The following CNTN1 variants were observed in gnomAD, a reference collection of about 807,000 sequenced individuals.
CNTN1 encodes contactin-1.
CNTN1 carries 38 observed loss-of-function variants against 126.4 expected under a neutral mutation model. That is an observed-to-expected ratio of 0.30 (90% confidence interval 0.23 to 0.39). CNTN1 has a LOEUF of 0.39. Ranked by LOEUF, CNTN1 falls within the 10% of genes least tolerant of loss-of-function variation. CNTN1 has a pLI of 1.00. For synonymous variants in CNTN1, 413 were observed against 422.6 expected (o/e 0.98, Z 0.28); for missense variants, 1,009 against 1,248.4 (o/e 0.81, Z 2.89).
chr12:41,029,336 T>C (rs1949095572), intron 23 of CNTN1, 117 bp downstream of exon 23: 5 of 1,165,474 alleles, frequency 4.3e-6, no homozygotes, highest in Admixed American at 1.7e-5. Flanking sequence ...CCTAAGTAGA[T>C]TGGACATATC....
chr12:40,834,464 CAG>C (rs1941972818), intron 1 of CNTN1, among the ~76,000 whole-genome samples: 1 of 152,098 alleles, frequency 6.6e-6, no homozygotes, highest in Non-Finnish European at 1.5e-5. Context: ...GATGGAAGGG[CAG>C]CAAGGTAGGT....
chr12:41,016,730 G>C lies in CNTN1; in HGVS notation c.2233G>C (p.Ala745Pro). Residue 745 changes from alanine (A) to proline (P), a missense_variant, in exon 19 of 24, where the codon GCA becomes CCA. By Grantham distance (27) the Ala-to-Pro change is conservative. Coordinates refer to ENST00000551295, the MANE Select transcript of CNTN1 (RefSeq NM_001843.4). ...HYGNNFGYIV[A>P]FKPFDGEEWK... ...TGGCAACAATTTTGGTTACATAGTGGCATTTAAGCCATTTGATGGAGAAGA... is the reference window on the plus strand; with the variant it reads ...TGGCAACAATTTTGGTTACATAGTGCCATTTAAGCCATTTGATGGAGAAGA... 2 of 1,614,108 alleles carry C rather than the reference G, an allele frequency of 1.2e-6. No homozygotes were observed. The highest frequency in any genetic ancestry group is 1.7e-6 in the Non-Finnish European group (2 of 1,180,008).
At chr12:41,030,405 T>G (rs909965665) in intron 23 of CNTN1, among the ~76,000 whole-genome samples, 2 of 152,062 alleles carry the variant, frequency 1.3e-5, no homozygotes, top group Non-Finnish European at 1.5e-5. Flanking sequence ...TTTTTTAGTT[T>G]AATCATCAGC....
intron 1 of CNTN1, among the ~76,000 whole-genome samples, chr12:40,751,732 A>C (rs1331558736): frequency 2.0e-5 from 3 of 152,102 alleles, no homozygotes; most frequent in Non-Finnish European, 2.9e-5. Flanking sequence ...CAGCATTACC[A>C]GTTATATGAG....
intron 1 of CNTN1, among the ~76,000 whole-genome samples, chr12:40,859,446 G>A (rs1249543617): frequency 1.3e-5 from 2 of 151,908 alleles, no homozygotes; most frequent in African/African-American, 2.4e-5. Flanking sequence ...GAACCTATCT[G>A]ATCTTTTTAT....
At chr12:40,799,775 C>G (rs1177444741) in intron 1 of CNTN1, among the ~76,000 whole-genome samples, 1 of 151,946 alleles carries the variant, frequency 6.6e-6, no homozygotes, top group Admixed American at 6.6e-5. Context: ...TATACAAGCA[C>G]TATGCTTGGT....
chr12:41,048,733 A>C (rs11179607), intron 23 of CNTN1, among the ~76,000 whole-genome samples: 21,471 of 152,156 alleles, frequency 0.14, 1,884 homozygotes, highest in Non-Finnish European at 0.19. Context: ...AAAATGAAGG[A>C]AGGAAAGAGG....
At chr12:40,828,059 G>A (rs1941677091) in intron 1 of CNTN1, 1 of 152,256 alleles carries the variant, frequency 6.6e-6, no homozygotes, top group East Asian at 1.9e-4. Context: ...AGCACGGAAT[G>A]CTTTATTTGA....
At chr12:40,716,991 G>C (rs1273633226) in intron 1 of CNTN1, among the ~76,000 whole-genome samples, 1 of 152,158 alleles carries the variant, frequency 6.6e-6, no homozygotes, top group African/African-American at 2.4e-5. Context: ...TGGGGAAAGA[G>C]AAAATAATGG....
intron 4 of CNTN1, among the ~76,000 whole-genome samples, chr12:40,921,284 AT>A (rs35146462): frequency 0.44 from 66,272 of 151,974 alleles, 15,001 homozygotes; most frequent in African/African-American, 0.57. Flanking sequence ...TGGCCAGGAA[AT>A]GAGCGATGTG....
intron 1 of CNTN1, among the ~76,000 whole-genome samples, chr12:40,898,610 G>C (rs13377827): frequency 0.2 from 29,863 of 152,032 alleles, 5,146 homozygotes; most frequent in African/African-American, 0.47. Flanking sequence ...TCACTTATCA[G>C]TTTAAGTACT....
intron 1 of CNTN1, among the ~76,000 whole-genome samples, chr12:40,833,389 C>G (rs1941931232): frequency 6.6e-6 from 1 of 152,144 alleles, no homozygotes; most frequent in Non-Finnish European, 1.5e-5. Flanking sequence ...AGGCACTGCA[C>G]CTGGCCAACA....
Position 41,070,256 on chromosome 12 carries a change from C to T in CNTN1, c.*221C>T. The T allele has an allele frequency of 1.7e-6, 1 of 580,504 alleles. No individual in the cohort carries two copies. The highest frequency in any genetic ancestry group is 3.1e-6 in the Non-Finnish European group (1 of 324,566). The allele number at this position is 580,504 out of a possible 1,614,324, so 36.0% of individuals were successfully genotyped here. On this transcript the variant is annotated 3_prime_UTR_variant, in exon 24 of 24. Coordinates refer to ENST00000551295, the MANE Select transcript of CNTN1 (RefSeq NM_001843.4). Reference sequence around the variant, plus strand: ...TTAAATGGATATAAATGATTTTTAACTCGTTCCAATATGCCTTATAAACCA... The same window carrying T: ...TTAAATGGATATAAATGATTTTTAATTCGTTCCAATATGCCTTATAAACCA...
intron 1 of CNTN1, among the ~76,000 whole-genome samples, chr12:40,897,943 A>G (rs1470357431): frequency 6.6e-6 from 1 of 152,214 alleles, no homozygotes; most frequent in Non-Finnish European, 1.5e-5. Flanking sequence ...TGATTTTAAC[A>G]CACTTCTCTT....
At chr12:40,898,170 TG>T (rs1180629029) in intron 1 of CNTN1, among the ~76,000 whole-genome samples, 3 of 152,054 alleles carry the variant, frequency 2.0e-5, no homozygotes, top group Non-Finnish European at 2.9e-5. Context: ...TTATATGATG[TG>T]GGGGGTATAG....
At chr12:41,064,797 A>ATAGATAGT (rs1263056471) in intron 23 of CNTN1, among the ~76,000 whole-genome samples, 39 of 152,072 alleles carry the variant, frequency 2.6e-4, no homozygotes, top group African/African-American at 9.4e-4. Context: ...AGATAGATAG[A>ATAGATAGT]TAGATGCCAT....
At chr12:40,871,695 C>A (rs540682779) in intron 1 of CNTN1, among the ~76,000 whole-genome samples, 44 of 152,172 alleles carry the variant, frequency 2.9e-4, no homozygotes, top group Non-Finnish European at 4.7e-4. Flanking sequence ...TTTTACATTT[C>A]CAAAATAGAA....
intron 1 of CNTN1, among the ~76,000 whole-genome samples, chr12:40,841,635 A>G (rs572271663): frequency 4.6e-5 from 7 of 152,212 alleles, no homozygotes; most frequent in African/African-American, 1.7e-4. Context: ...ATGCAATTCT[A>G]TAAAGGTGAT....
intron 1 of CNTN1, among the ~76,000 whole-genome samples, chr12:40,824,459 A>G (rs892256425): frequency 2.6e-5 from 4 of 152,158 alleles, no homozygotes; most frequent in African/African-American, 7.2e-5. Context: ...GTAATAGTTG[A>G]ATTTCCTAAT....
Sources: allele counts gnomAD v4.1 joint callset (sites outside exome capture counted in the v4.1 genomes callset), GRCh38; gene constraint gnomAD v4.1.1; transcripts MANE v1.5; gene names NCBI Gene and HGNC (gene_info 2026-07-23, HGNC 2026-07-21).